ARHGEF10: variants seen among roughly 807,000 people sequenced by gnomAD.
ARHGEF10 encodes Rho guanine nucleotide exchange factor 10.
A neutral mutation model predicts 147.4 loss-of-function variants in ARHGEF10; 140 were observed. The observed-to-expected ratio is 0.95, with a 90% confidence interval of 0.83 to 1.09. ARHGEF10 has a LOEUF of 1.09. ARHGEF10 is among the 50% of genes least tolerant of loss of function. The pLI is 0.00. For synonymous variants in ARHGEF10, 902 were observed against 695.8 expected (o/e 1.30, Z -4.67); for missense variants, 2,222 against 1,752.7 (o/e 1.27, Z -4.78).
intron 2 of ARHGEF10, among the ~76,000 whole-genome samples, chr8:1,851,530 G>T (rs773143654): frequency 1.3e-5 from 2 of 152,138 alleles, no homozygotes; most frequent in East Asian, 1.9e-4. Flanking sequence ...GCTCTCTTTG[G>T]GGGTGGGGAG....
chr8:1,875,329 C>T (rs1049412348), intron 7 of ARHGEF10, among the ~76,000 whole-genome samples: 4 of 152,074 alleles, frequency 2.6e-5, no homozygotes, highest in African/African-American at 9.7e-5. Flanking sequence ...GGGTGCTTTT[C>T]TCTGAGTCCC....
In ARHGEF10 at chr8:1,824,006, G is replaced by GACGGCGGGGA. The variant is rs1279650716; in HGVS notation, c.-145_-136dup. The GACGGCGGGGA allele has an allele frequency of 4.6e-5, 6 of 131,748 alleles. No individual in the cohort carries two copies. Among genetic ancestry groups the GACGGCGGGGA allele is most frequent in the Non-Finnish European group, 8.3e-5 (5 of 60,110 alleles). 8.2% of individuals were successfully genotyped at this position (131,748 alleles called of 1,614,324 possible). On this transcript the variant is annotated 5_prime_UTR_variant, in exon 1 of 29. Coordinates refer to ENST00000349830, the MANE Select transcript of ARHGEF10 (RefSeq NM_014629.4). ...CGCGGGGGACGCGGGGGACGCGGGG[G>GACGGCGGGGA]ACGGCGGGGAACGGCGGGGGACGGC... is the stretch of plus-strand genomic sequence containing the variant.
At chr8:1,941,793 G>A (rs547171809) in intron 26 of ARHGEF10, among the ~76,000 whole-genome samples, 16 of 152,292 alleles carry the variant, frequency 1.1e-4, no homozygotes, top group Non-Finnish European at 1.5e-5. Context: ...CGGAGACCAC[G>A]TGTGTCTATG....
At chr8:1,863,334 A>T (rs1806308934) in intron 4 of ARHGEF10, among the ~76,000 whole-genome samples, 1 of 152,144 alleles carries the variant, frequency 6.6e-6, no homozygotes, top group African/African-American at 2.4e-5. Flanking sequence ...TCCTGGTGTG[A>T]CCAGGGACCT....
At chr8:1,846,611 T>G (rs1259411153) in intron 2 of ARHGEF10, among the ~76,000 whole-genome samples, 1 of 152,162 alleles carries the variant, frequency 6.6e-6, no homozygotes, top group Non-Finnish European at 1.5e-5. Flanking sequence ...GGAGTCTCGC[T>G]CTCTCACCCA....
intron 1 of ARHGEF10, among the ~76,000 whole-genome samples, chr8:1,831,096 C>T (rs189358249): frequency 1.5e-3 from 225 of 152,324 alleles, no homozygotes; most frequent in African/African-American, 5.1e-3. Flanking sequence ...TGTGTCAGAG[C>T]GGCTGGAAGG....
intron 1 of ARHGEF10, among the ~76,000 whole-genome samples, chr8:1,838,271 C>T (rs894956458): frequency 6.6e-6 from 1 of 152,238 alleles, no homozygotes; most frequent in South Asian, 2.1e-4. Flanking sequence ...ATGACATCAA[C>T]CTAAACTCTT....
intron 8 of ARHGEF10, among the ~76,000 whole-genome samples, chr8:1,878,658 T>C (rs1026952711): frequency 6.6e-6 from 1 of 152,086 alleles, no homozygotes; most frequent in East Asian, 1.9e-4. Flanking sequence ...TTCGCCTTCA[T>C]GGTGGGCTGT....
In ARHGEF10 at chr8:1,918,460, CTGTGTGTGTGTGTGTGTGTGTGTGTG is replaced by C. The variant is rs60519090; in HGVS notation, c.2144-4484_2144-4459del. Among the ~76,000 whole-genome samples the C allele has an allele frequency of 8.5e-5, 12 of 140,946 alleles. No homozygotes were observed. In the East Asian group the frequency reaches 2.5e-3, roughly 30 times the overall value. The allele number at this position is 140,946 out of a possible 152,430, so 92.5% of individuals were successfully genotyped here. On this transcript the variant is annotated intron_variant, in intron 18 of 28. Coordinates refer to ENST00000349830, the MANE Select transcript of ARHGEF10 (RefSeq NM_014629.4). ...CCCATGATAGGTTCACATTTGATGGCTGTGTGTGTGTGTGTGTGTGTGTGTGTGTGTGTGTGTGTGTGTGTTATTTT... is the reference window on the plus strand; with the variant it reads ...CCCATGATAGGTTCACATTTGATGGCTGTGTGTGTGTGTGTGTGTTATTTT...
At chr8:1,883,512 G>A (rs6988500) in intron 10 of ARHGEF10, among the ~76,000 whole-genome samples, 68 of 152,286 alleles carry the variant, frequency 4.5e-4, no homozygotes, top group African/African-American at 1.5e-3. Context: ...TTGCAGTCAC[G>A]TTGTCCCTCA....
intron 1 of ARHGEF10, among the ~76,000 whole-genome samples, chr8:1,833,652 A>C (rs1803406126): frequency 6.6e-6 from 1 of 152,112 alleles, no homozygotes; most frequent in African/African-American, 2.4e-5. Context: ...CCCCCTTTCC[A>C]TGCCAGGCCC....
chr8:1,926,752 G>T (rs1812723572), intron 23 of ARHGEF10: 3 of 440,070 alleles, frequency 6.8e-6, no homozygotes, highest in East Asian at 4.5e-5. Context: ...ATTTTAATAT[G>T]TTTTTCCATT....
At chr8:1,887,811 A>C (rs781402138) in intron 11 of ARHGEF10, among the ~76,000 whole-genome samples, 1 of 120,564 alleles carries the variant, frequency 8.3e-6, no homozygotes, top group Non-Finnish European at 1.7e-5. Context: ...TTGTGGGGAG[A>C]TGCTGAGGAG....
chr8:1,867,568 G>T (rs114154039), intron 6 of ARHGEF10, among the ~76,000 whole-genome samples: 1 of 152,160 alleles, frequency 6.6e-6, no homozygotes, highest in African/African-American at 2.4e-5. Flanking sequence ...TCCAGCTTCC[G>T]TACAATTCAG....
At chr8:1,903,482 A>G in intron 16 of ARHGEF10, 31 bp downstream of exon 16, 1 of 1,612,612 alleles carries the variant, frequency 6.2e-7, no homozygotes, top group Non-Finnish European at 8.5e-7. Context: ...ACTCTATTCC[A>G]AAATTATTTT....
In ARHGEF10 at chr8:1,948,877, C is replaced by T. The variant is rs1396032603; in HGVS notation, c.3397+3222C>T. ...TGCGCGGATGCTGAGGTCGCCGGGC[C>T]GTCACTGCTCCTGGGTTCTTCTCCT... On this transcript the variant is annotated intron_variant, in intron 27 of 28. Transcript: ENST00000349830. The surrounding 1 kb of genome is among the most constrained non-coding windows in gnomAD (Gnocchi z 4.9). Among the ~76,000 whole-genome samples the T allele has an allele frequency of 1.3e-5, 2 of 152,180 alleles. No homozygotes were observed. The highest frequency in any genetic ancestry group is 6.5e-5 in the Admixed American group (1 of 15,268).
Position 1,937,292 on chromosome 8 carries a change from C to T in ARHGEF10, c.3222+3350C>T, listed in dbSNP as rs148924903. On this transcript the variant is annotated intron_variant, in intron 26 of 28. Transcript: ENST00000349830. This position sits in a 1 kb window ranked among gnomAD's most constrained non-coding sequence, Gnocchi z 4.9. ...GCCATGCAGGGTAGCCCCGTGGATG[C>T]GGTCACAGCTTCTTGAGTTTTTCAC... Among the ~76,000 whole-genome samples, 16 of 152,268 alleles carry T rather than the reference C, an allele frequency of 1.1e-4. No individual in the cohort carries two copies. In the East Asian group the frequency reaches 2.3e-3, roughly 22 times the overall value.
chr8:1,934,354 CA>C (rs36102342), intron 26 of ARHGEF10, among the ~76,000 whole-genome samples: 15,286 of 117,152 alleles, frequency 0.13, 769 homozygotes, highest in Middle Eastern at 0.18. Context: ...ACCCTGTCTC[CA>C]AAAAAAAAAA....
intron 6 of ARHGEF10, 50 bp downstream of exon 6, chr8:1,866,652 C>A: frequency 6.4e-7 from 1 of 1,556,666 alleles, no homozygotes; most frequent in Non-Finnish European, 8.8e-7. Flanking sequence ...GCTCCACAGA[C>A]GTCACTGCGG....
Sources: allele counts gnomAD v4.1 joint callset (sites outside exome capture counted in the v4.1 genomes callset), GRCh38; gene constraint gnomAD v4.1.1; non-coding constraint Gnocchi (gnomAD v3.1); transcripts MANE v1.5; gene names NCBI Gene and HGNC (gene_info 2026-07-23, HGNC 2026-07-21).